PTPRT: variants seen among roughly 807,000 people sequenced by gnomAD.
PTPRT encodes protein tyrosine phosphatase receptor type T, also known as receptor-type tyrosine-protein phosphatase T.
PTPRT carries 56 observed loss-of-function variants against 176.8 expected under a neutral mutation model. The observed-to-expected ratio is 0.32, with a 90% CI of 0.26 to 0.40. The LOEUF (loss-of-function observed/expected upper bound fraction) is 0.40. Ranked by LOEUF, PTPRT falls within the 10% of genes least tolerant of loss-of-function variation. PTPRT has a pLI of 1.00. For synonymous variants in PTPRT, 783 were observed against 739.0 expected (o/e 1.06, Z -0.96); for missense variants, 1,540 against 1,908.2 (o/e 0.81, Z 3.60).
intron 16 of PTPRT, among the ~76,000 whole-genome samples, chr20:42,175,982 A>C (rs1990275458): frequency 6.6e-6 from 1 of 152,172 alleles, no homozygotes; most frequent in African/African-American, 2.4e-5. Context: ...TAACAGTATC[A>C]TTTTCATGAA....
At chr20:42,383,362 C>T (rs1034427093) in intron 9 of PTPRT, among the ~76,000 whole-genome samples, 4 of 151,820 alleles carry the variant, frequency 2.6e-5, no homozygotes, top group African/African-American at 9.7e-5. Context: ...GTACCATGGG[C>T]TCATGGGTTT....
chr20:42,221,933 C>T (rs919328674), intron 15 of PTPRT, among the ~76,000 whole-genome samples: 18 of 152,140 alleles, frequency 1.2e-4, no homozygotes, highest in East Asian at 7.7e-4. Flanking sequence ...TTCCCTCCCT[C>T]GACACATGGG....
chr20:42,989,956 G>A (rs1983800608), intron 1 of PTPRT, among the ~76,000 whole-genome samples: 1 of 152,222 alleles, frequency 6.6e-6, no homozygotes, highest in Non-Finnish European at 1.5e-5. Context: ...GTTGAATGAA[G>A]ACTGAGCAGC....
At chr20:42,728,110 C>T (rs1482798482) in intron 6 of PTPRT, among the ~76,000 whole-genome samples, 1 of 152,208 alleles carries the variant, frequency 6.6e-6, no homozygotes, top group African/African-American at 2.4e-5. Flanking sequence ...TGTTTGCTCT[C>T]ACTTCACTAA....
intron 2 of PTPRT, among the ~76,000 whole-genome samples, chr20:42,874,894 C>T (rs1002105597): frequency 2.0e-5 from 3 of 152,080 alleles, no homozygotes; most frequent in East Asian, 1.9e-4. Context: ...TTTCTTTCTT[C>T]CTTTCTTTTT....
chr20:42,558,468 T>A (rs1316239193), intron 7 of PTPRT, among the ~76,000 whole-genome samples: 2 of 152,162 alleles, frequency 1.3e-5, no homozygotes, highest in East Asian at 3.9e-4. Flanking sequence ...TGATTTATAT[T>A]CCTTTGAGTA....
intron 1 of PTPRT, among the ~76,000 whole-genome samples, chr20:43,170,428 C>G (rs1039993875): frequency 4.6e-5 from 7 of 152,156 alleles, no homozygotes; most frequent in Non-Finnish European, 8.8e-5. Context: ...CCCAACAAGT[C>G]TGGCTTCAGA....
chr20:43,161,631 C>T (rs999961018), intron 1 of PTPRT, among the ~76,000 whole-genome samples: 1 of 152,186 alleles, frequency 6.6e-6, no homozygotes, highest in African/African-American at 2.4e-5. Flanking sequence ...GAGCTTCAAA[C>T]TTCCTCTCCA....
chr20:42,080,571 C>A lies in PTPRT; in HGVS notation c.*308G>T. 3.0e-6 allele frequency: 1 copy of A among 328,016 alleles called. No individual in the cohort carries two copies. The highest frequency in any genetic ancestry group is 5.7e-6 in the Non-Finnish European group (1 of 176,064). The allele number at this position is 328,016 out of a possible 1,614,324, so 20.3% of individuals were successfully genotyped here. ...TGCCAAGAGATCCACAAACTCAGAACAAAAGCAGGTGGTCTGGGAGCCAGA... is the reference window on the plus strand; with the variant it reads ...TGCCAAGAGATCCACAAACTCAGAAAAAAAGCAGGTGGTCTGGGAGCCAGA... On this transcript the variant is annotated 3_prime_UTR_variant, in exon 31 of 31. Coordinates refer to ENST00000373187, the MANE Select transcript of PTPRT (RefSeq NM_007050.6).
intron 1 of PTPRT, among the ~76,000 whole-genome samples, chr20:43,019,072 T>C (rs545300122): frequency 6.6e-6 from 1 of 152,316 alleles, no homozygotes; most frequent in Admixed American, 6.5e-5. Context: ...CTAAATGCCC[T>C]ACAATAGTAC....
intron 9 of PTPRT, among the ~76,000 whole-genome samples, chr20:42,361,666 G>C (rs1371569207): frequency 6.6e-6 from 1 of 152,114 alleles, no homozygotes; most frequent in Non-Finnish European, 1.5e-5. Context: ...GCTGAGTCCA[G>C]TCATCTGGGC....
At position 42,116,169 on chromosome 20, in the gene PTPRT, G is replaced by A. The variant is rs1469945123; in HGVS notation, c.2983-854C>T. 2.8e-5 allele frequency: 20 copies of A among 710,332 alleles called. No individual in the cohort carries two copies. The African/African-American group carries it at 3.5e-4, about 12-fold the overall frequency. The allele number at this position is 710,332 out of a possible 1,614,324, so 44.0% of individuals were successfully genotyped here. A position where few individuals can be genotyped will look rare whatever the true frequency, so the allele number is the denominator to read the frequency against. The stretch of plus-strand genomic sequence containing the variant: ...AAAGGTTTTGTGGTCAAATGAGTTT[G>A]GGAAATGCTGTATTACACAGTTAAA... On this transcript the variant is annotated intron_variant, in intron 21 of 30. Coordinates refer to ENST00000373187, the MANE Select transcript of PTPRT (RefSeq NM_007050.6).
At chr20:42,446,580 ATGTGTGTGTGTGTGTGTG>A (rs372328206) in intron 9 of PTPRT, among the ~76,000 whole-genome samples, 1 of 139,568 alleles carries the variant, frequency 7.2e-6, no homozygotes, top group South Asian at 2.4e-4. Context: ...TTTCATGTAA[ATGTGTGTGTGTGTGTGTG>A]TGTGTGTGTG....
intron 7 of PTPRT, among the ~76,000 whole-genome samples, chr20:42,602,701 C>T (rs2073802976): frequency 6.6e-6 from 1 of 151,992 alleles, no homozygotes; most frequent in African/African-American, 2.4e-5. Context: ...ACATATGCTC[C>T]TCTTTCATGA....
At chr20:43,172,874 T>TC (rs1328507529) in intron 1 of PTPRT, among the ~76,000 whole-genome samples, 3 of 149,780 alleles carry the variant, frequency 2.0e-5, no homozygotes, top group Admixed American at 6.6e-5. Context: ...GCAGTCTTTT[T>TC]TTTTTTTTTT....
chr20:42,252,233 A>T (rs2056561246), intron 13 of PTPRT, among the ~76,000 whole-genome samples: 1 of 152,146 alleles, frequency 6.6e-6, no homozygotes, highest in African/African-American at 2.4e-5. Context: ...CTTTAGGGGG[A>T]AAATATATCT....
At position 42,164,336 on chromosome 20, in the gene PTPRT, TC is replaced by T. The variant is rs202103487; in HGVS notation, c.2492-2795del. ...CAAATAGCTGTCAATATGGATATTT[TC>T]CCTAAACACATTGCTAGACAGACTG... On this transcript the variant is annotated intron_variant, in intron 16 of 30. Coordinates refer to ENST00000373187, the MANE Select transcript of PTPRT (RefSeq NM_007050.6). 2.6e-3 allele frequency among the ~76,000 whole-genome samples: 394 copies of T among 152,334 alleles called. 6 individuals are homozygous for T. The East Asian group carries it at 0.039, about 15-fold the overall frequency.
intron 1 of PTPRT, among the ~76,000 whole-genome samples, chr20:43,137,305 C>T (rs1208725576): frequency 6.6e-6 from 1 of 152,164 alleles, no homozygotes; most frequent in Non-Finnish European, 1.5e-5. Context: ...CAATTTACAG[C>T]CTGTGGGCCA....
At chr20:42,708,164 T>C (rs1322791040) in intron 6 of PTPRT, among the ~76,000 whole-genome samples, 1 of 152,206 alleles carries the variant, frequency 6.6e-6, no homozygotes, top group African/African-American at 2.4e-5. Flanking sequence ...GCCAAATACA[T>C]ATTTATGTGG....
Sources: gnomAD v4.1 joint callset for allele counts (sites outside exome capture counted in the v4.1 genomes callset) on GRCh38, gnomAD v4.1.1 for gene constraint, MANE v1.5 for transcripts, NCBI Gene and HGNC (gene_info 2026-07-23, HGNC 2026-07-21) for gene names.